ASAP2: variants seen among roughly 807,000 people sequenced by gnomAD.
ASAP2 encodes ArfGAP with SH3 domain, ankyrin repeat and PH domain 2.
ASAP2 carries 45 observed loss-of-function variants against 131.4 expected under a neutral mutation model. The observed-to-expected ratio is 0.34, with a 90% CI of 0.27 to 0.44. ASAP2 has a LOEUF of 0.44. Ranked by LOEUF, ASAP2 falls within the 20% of genes least tolerant of loss-of-function variation. The pLI, the probability that ASAP2 is intolerant of heterozygous loss-of-function variation, is 1.00. For missense variants in ASAP2, 1,011 were observed against 1,297.0 expected (o/e 0.78, Z 3.39); for synonymous variants, 510 against 503.0 (o/e 1.01, Z -0.19).
In ASAP2 at chr2:9,405,540, C is replaced by T. The variant is rs1275374570; in HGVS notation, c.*2213C>T. ...CCTGATTACTTTGGTTGCAGCACAA[C>T]TGTATATATTGTATAACCGAAATTG... On this transcript the variant is annotated 3_prime_UTR_variant, in exon 28 of 28. Coordinates refer to ENST00000281419, the MANE Select transcript of ASAP2 (RefSeq NM_003887.3). 6.6e-6 allele frequency: 1 copy of T among 152,596 alleles called. No individual in the cohort carries two copies. Among genetic ancestry groups the T allele is most frequent in the African/African-American group, 2.4e-5 (1 of 41,436 alleles). The allele number at this position is 152,596 out of a possible 1,614,324, so 9.5% of individuals were successfully genotyped here. A position where few individuals can be genotyped will look rare whatever the true frequency, so the allele number is the denominator to read the frequency against.
At chr2:9,290,581 T>A (rs72775204) in intron 2 of ASAP2, among the ~76,000 whole-genome samples, 31,759 of 152,258 alleles carry the variant, frequency 0.21, 3,630 homozygotes, top group Non-Finnish European at 0.27. Context: ...TTCAGATTTC[T>A]TTTTAAAGTT....
intron 24 of ASAP2, 49 bp from the exon 25 acceptor site, chr2:9,399,974 G>A (rs1676484551): frequency 1.9e-6 from 3 of 1,579,486 alleles, no homozygotes; most frequent in Non-Finnish European, 2.6e-6. Context: ...TGAGAAAGGG[G>A]CAGGTGCCCT....
intron 15 of ASAP2, among the ~76,000 whole-genome samples, chr2:9,363,320 GTTA>G (rs1673231779): frequency 6.6e-6 from 1 of 152,102 alleles, no homozygotes; most frequent in Non-Finnish European, 1.5e-5. Flanking sequence ...CCAGAAGTGG[GTTA>G]TATGGTGGTT....
intron 1 of ASAP2, among the ~76,000 whole-genome samples, chr2:9,251,470 C>T (rs1456015938): frequency 2.0e-5 from 3 of 152,128 alleles, no homozygotes; most frequent in African/African-American, 7.2e-5. Context: ...TTGAGAAGCT[C>T]GAAGCAGAAC....
chr2:9,318,604 A>C lies in ASAP2; in HGVS notation c.420+6A>C. Reference sequence around the variant, plus strand: ...ACCTGAAAGGAGTGAAAGGGGTATGACATTGACACTGTGACACCAGGGGCA... The same window carrying C: ...ACCTGAAAGGAGTGAAAGGGGTATGCCATTGACACTGTGACACCAGGGGCA... On this transcript the variant is annotated splice_donor_region_variant and intron_variant, in intron 4 of 27. Transcript: ENST00000281419. The C allele has an allele frequency of 6.2e-7, 1 of 1,603,200 alleles. No homozygotes were observed. The highest frequency in any genetic ancestry group is 8.5e-7 in the Non-Finnish European group (1 of 1,173,574).
chr2:9,317,832 T>C (rs1316405303), intron 3 of ASAP2, among the ~76,000 whole-genome samples: 2 of 149,720 alleles, frequency 1.3e-5, no homozygotes, highest in African/African-American at 4.9e-5. Context: ...CCTTAGTCCC[T>C]TAACATGCTC....
At chr2:9,327,392 G>C (rs1256937988) in intron 6 of ASAP2, among the ~76,000 whole-genome samples, 1 of 152,044 alleles carries the variant, frequency 6.6e-6, no homozygotes, top group Non-Finnish European at 1.5e-5. Context: ...TATTTTCCTT[G>C]TAAGGGAAAT....
chr2:9,331,724 T>C (rs943899272), intron 7 of ASAP2, among the ~76,000 whole-genome samples: 4 of 151,782 alleles, frequency 2.6e-5, no homozygotes, highest in Admixed American at 2.6e-4. Flanking sequence ...GCTGAGATCA[T>C]GCTGCTGCAC....
intron 23 of ASAP2, among the ~76,000 whole-genome samples, chr2:9,391,970 T>C (rs1438360491): frequency 6.6e-6 from 1 of 152,138 alleles, no homozygotes; most frequent in Non-Finnish European, 1.5e-5. Context: ...AGCCTCCAAC[T>C]CCTGGGTTCA....
intron 19 of ASAP2, among the ~76,000 whole-genome samples, chr2:9,379,267 G>T (rs1280382043): frequency 6.6e-6 from 1 of 152,224 alleles, no homozygotes; most frequent in Non-Finnish European, 1.5e-5. Flanking sequence ...TAGACTTTGG[G>T]CGCGTTTACA....
chr2:9,395,594 C>CTTTTTTTCT (rs1676063940), intron 24 of ASAP2, among the ~76,000 whole-genome samples: 13 of 59,056 alleles, frequency 2.2e-4, no homozygotes, highest in African/African-American at 6.3e-4. Context: ...TGTTTTTTTT[C>CTTTTTTTCT]TTTTTTTTTT....
Position 9,318,507 on chromosome 2 carries a change from T to C in ASAP2, c.346-17T>C. 6.3e-7 allele frequency: 1 copy of C among 1,590,090 alleles called. No homozygotes were observed. Among genetic ancestry groups the C allele is most frequent in the South Asian group, 1.1e-5 (1 of 90,462 alleles). On this transcript the variant is annotated splice_polypyrimidine_tract_variant and intron_variant, in intron 3 of 27. Coordinates refer to ENST00000281419, the MANE Select transcript of ASAP2 (RefSeq NM_003887.3). Reference sequence around the variant, plus strand: ...AAGGAAGCTGAATAAGAATCTCCTTTTGTTTTTGTTTTTTAGATTCAGAAT... The same window carrying C: ...AAGGAAGCTGAATAAGAATCTCCTTCTGTTTTTGTTTTTTAGATTCAGAAT...
chr2:9,215,255 G>A (rs761762913), intron 1 of ASAP2, among the ~76,000 whole-genome samples: 4 of 152,164 alleles, frequency 2.6e-5, no homozygotes, highest in Admixed American at 6.5e-5. Flanking sequence ...ATGAGAGGTC[G>A]TCTGTGTGGT....
chr2:9,321,214 T>A (rs1177643858), intron 5 of ASAP2, among the ~76,000 whole-genome samples: 1 of 150,158 alleles, frequency 6.7e-6, no homozygotes, highest in Non-Finnish European at 1.5e-5. Flanking sequence ...TTAGATTGTT[T>A]AAAAAAAAAA....
chr2:9,221,323 C>CTTTTTTTTTT (rs35784307), intron 1 of ASAP2, among the ~76,000 whole-genome samples: 1 of 132,006 alleles, frequency 7.6e-6, no homozygotes, highest in African/African-American at 2.8e-5. Flanking sequence ...CTTTTCTTTT[C>CTTTTTTTTTT]TTTTTTTTTT....
chr2:9,314,603 G>A (rs1382652925), intron 3 of ASAP2, among the ~76,000 whole-genome samples: 1 of 152,172 alleles, frequency 6.6e-6, no homozygotes, highest in African/African-American at 2.4e-5. Context: ...AGATCACTAA[G>A]ATGAACACGA....
intron 8 of ASAP2, 55 bp from the exon 9 acceptor site, chr2:9,335,038 T>A (rs1671108690): frequency 1.8e-5 from 28 of 1,563,814 alleles, no homozygotes; most frequent in Non-Finnish European, 2.3e-5. Flanking sequence ...AACGTTTCAC[T>A]GTACCTCAGT....
chr2:9,387,982 G>A (rs780813224), intron 21 of ASAP2, among the ~76,000 whole-genome samples: 2 of 152,166 alleles, frequency 1.3e-5, no homozygotes, highest in African/African-American at 4.8e-5. Context: ...AACAGCAGAG[G>A]GGAACCGCTG....
At chr2:9,234,047 G>T (rs1663361196) in intron 1 of ASAP2, among the ~76,000 whole-genome samples, 1 of 150,338 alleles carries the variant, frequency 6.7e-6, no homozygotes, top group African/African-American at 2.5e-5. Context: ...GGAGGCGGAG[G>T]TTGCAGTGAG....
Sources: gnomAD v4.1 joint callset for allele counts (sites outside exome capture counted in the v4.1 genomes callset) on GRCh38, gnomAD v4.1.1 for gene constraint, MANE v1.5 for transcripts, NCBI Gene and HGNC (gene_info 2026-07-23, HGNC 2026-07-21) for gene names.